Variants in ATRNL1 observed in about 807,000 individuals in gnomAD.
The protein encoded by ATRNL1 is attractin-like protein 1.
A neutral mutation model predicts 182.7 loss-of-function variants in ATRNL1; 95 were observed. That is an observed-to-expected ratio of 0.52 (90% CI 0.44 to 0.62). The LOEUF (loss-of-function observed/expected upper bound fraction) is 0.62, where lower values mean the gene tolerates loss of function less well. Among genes scored for constraint, ATRNL1 ranks in the 20% least tolerant of loss-of-function variants. The probability of loss-of-function intolerance (pLI) is 0.00; values close to 1 mark genes in which losing one functional copy is unlikely to be tolerated. For synonymous variants in ATRNL1, 576 were observed against 568.3 expected (o/e 1.01, Z -0.19); for missense variants, 1,471 against 1,679.5 (o/e 0.88, Z 2.17).
At chr10:115,757,746 A>C (rs545256403) in intron 27 of ATRNL1, among the ~76,000 whole-genome samples, 1 of 152,226 alleles carries the variant, frequency 6.6e-6, no homozygotes, top group African/African-American at 2.4e-5. Flanking sequence ...TAATATCCTG[A>C]AGAGTGTTTT....
intron 24 of ATRNL1, among the ~76,000 whole-genome samples, chr10:115,475,433 G>C (rs2134590030): frequency 6.6e-6 from 1 of 151,456 alleles, no homozygotes; most frequent in Admixed American, 6.6e-5. Flanking sequence ...TGTTATCAAT[G>C]GAAGTAATCC....
chr10:115,516,276 A>G (rs1024787288), intron 24 of ATRNL1, among the ~76,000 whole-genome samples: 1 of 151,862 alleles, frequency 6.6e-6, no homozygotes, highest in Admixed American at 6.6e-5. Context: ...AGAGCAAACT[A>G]CAATAGTCAT....
intron 9 of ATRNL1, among the ~76,000 whole-genome samples, chr10:115,233,436 G>A (rs1224850975): frequency 2.0e-5 from 3 of 151,930 alleles, no homozygotes; most frequent in East Asian, 1.9e-4. Flanking sequence ...CTTTTTTAGC[G>A]TTTTTTAAAT....
At chr10:115,430,699 G>A (rs1846119059) in intron 21 of ATRNL1, among the ~76,000 whole-genome samples, 1 of 152,006 alleles carries the variant, frequency 6.6e-6, no homozygotes, top group East Asian at 1.9e-4. Flanking sequence ...TTTTAAAAAT[G>A]TTACTGAGAA....
intron 20 of ATRNL1, among the ~76,000 whole-genome samples, chr10:115,407,653 A>G (rs1554958590): frequency 1.3e-5 from 2 of 152,202 alleles, no homozygotes; most frequent in Non-Finnish European, 1.5e-5. Context: ...GGTTGATTAC[A>G]TATCTTTGCT....
intron 26 of ATRNL1, among the ~76,000 whole-genome samples, chr10:115,614,771 A>G (rs1857347598): frequency 1.3e-5 from 2 of 152,018 alleles, no homozygotes; most frequent in Admixed American, 1.3e-4. Context: ...ATCATTATAT[A>G]ATTGCCTTAT....
At chr10:115,134,298 A>G (rs1468761700) in intron 5 of ATRNL1, among the ~76,000 whole-genome samples, 4 of 152,224 alleles carry the variant, frequency 2.6e-5, no homozygotes, top group Non-Finnish European at 2.9e-5. Context: ...AGCAAGACTA[A>G]TAAAGAAGAA....
intron 28 of ATRNL1, among the ~76,000 whole-genome samples, chr10:115,876,665 T>C (rs1555107307): frequency 6.6e-6 from 1 of 152,196 alleles, no homozygotes; most frequent in East Asian, 1.9e-4. Context: ...GAATGAATGA[T>C]TACTGTATAA....
chr10:115,805,472 CACTCATATCTTAGTTGTATTAAATCAA>C (rs1189105102), intron 27 of ATRNL1, among the ~76,000 whole-genome samples: 8 of 152,204 alleles, frequency 5.3e-5, no homozygotes, highest in African/African-American at 1.9e-4. Context: ...AACTTCCTAC[CACTCATATCTTAGTTGTATTAAATCAA>C]ACATTTACTA....
rs143594820 is a variant in ATRNL1 at position 115,485,455 on chromosome 10, A to G, written c.3654+16126A>G. Reference sequence around the variant, plus strand: ...TTAAATCTAGCTAATTAAAATATGCATTACCTCACATAGTTGTCATTTCTG... The same window carrying G: ...TTAAATCTAGCTAATTAAAATATGCGTTACCTCACATAGTTGTCATTTCTG... On this transcript the variant is annotated intron_variant, in intron 24 of 28. Coordinates refer to ENST00000355044, the MANE Select transcript of ATRNL1 (RefSeq NM_207303.4). Among the ~76,000 whole-genome samples, 388 of 152,124 alleles carry G rather than the reference A, an allele frequency of 2.6e-3. 1 individual carries two copies. The highest frequency in any genetic ancestry group is 8.8e-3 in the African/African-American group (364 of 41,574).
At chr10:115,297,121 C>A (rs1853233010) in intron 15 of ATRNL1, among the ~76,000 whole-genome samples, 2 of 40,502 alleles carry the variant, frequency 4.9e-5, no homozygotes, top group Admixed American at 6.7e-4. Context: ...CAGAGAAATG[C>A]CTAAGTCTTT....
chr10:115,545,788 T>C (rs1301900253), intron 25 of ATRNL1, among the ~76,000 whole-genome samples: 1 of 152,210 alleles, frequency 6.6e-6, no homozygotes, highest in Non-Finnish European at 1.5e-5. Context: ...TACGACAGAT[T>C]TTCTGAAAGA....
At chr10:115,553,968 G>A (rs1467274970) in intron 26 of ATRNL1, among the ~76,000 whole-genome samples, 1 of 151,416 alleles carries the variant, frequency 6.6e-6, no homozygotes, top group Non-Finnish European at 1.5e-5. Context: ...AGAAGATTCG[G>A]CACAGAATAA....
chr10:115,921,468 G>A (rs1490602974), intron 28 of ATRNL1, among the ~76,000 whole-genome samples: 3 of 152,148 alleles, frequency 2.0e-5, no homozygotes, highest in Admixed American at 2.0e-4. Context: ...CTAGGAATTA[G>A]CACCTTTTTT....
At chr10:115,388,643 A>G (rs922083338) in intron 19 of ATRNL1, among the ~76,000 whole-genome samples, 6 of 151,914 alleles carry the variant, frequency 3.9e-5, no homozygotes, top group African/African-American at 1.4e-4. Flanking sequence ...TTTCTCATTT[A>G]TGTTATATAT....
chr10:115,306,141 T>A (rs376012658), intron 17 of ATRNL1, among the ~76,000 whole-genome samples: 4 of 152,088 alleles, frequency 2.6e-5, no homozygotes, highest in African/African-American at 9.7e-5. Flanking sequence ...TTTTTACAAT[T>A]TTTTTTGGTG....
At chr10:115,929,926 G>A (rs188009092) in intron 28 of ATRNL1, among the ~76,000 whole-genome samples, 110 of 152,182 alleles carry the variant, frequency 7.2e-4, no homozygotes, top group Non-Finnish European at 1.5e-3. Flanking sequence ...TTTGAGGAAG[G>A]TTAAGCAACC....
chr10:115,215,683 T>C lies in ATRNL1; in HGVS notation c.1349-14T>C. On this transcript the variant is annotated splice_polypyrimidine_tract_variant and intron_variant, in intron 8 of 28. Coordinates refer to ENST00000355044, the MANE Select transcript of ATRNL1 (RefSeq NM_207303.4). ...ACTACTTGAAATTTATAATGTATTT[T>C]ATTTCTGTTACAGCATCAAACACTT... The C allele has an allele frequency of 6.4e-7, 1 of 1,563,552 alleles. No individual in the cohort carries two copies. The highest frequency in any genetic ancestry group is 2.3e-5 in the East Asian group (1 of 42,844).
At chr10:115,254,812 A>G (rs1208265019) in intron 10 of ATRNL1, among the ~76,000 whole-genome samples, 1 of 152,118 alleles carries the variant, frequency 6.6e-6, no homozygotes, top group African/African-American at 2.4e-5. Flanking sequence ...TAATTTTTGT[A>G]TAAGGTGTAA....
Sources: gnomAD v4.1 joint callset for allele counts (sites outside exome capture counted in the v4.1 genomes callset) on GRCh38, gnomAD v4.1.1 for gene constraint, MANE v1.5 for transcripts, NCBI Gene and HGNC (gene_info 2026-07-23, HGNC 2026-07-21) for gene names.